The following BTBD18 variants were observed in gnomAD, a reference collection of about 807,000 sequenced individuals.
The protein encoded by BTBD18 is BTB domain containing 18.
For synonymous variants in BTBD18, 311 were observed against 324.4 expected (o/e 0.96, Z 0.44); for missense variants, 787 against 846.3 (o/e 0.93, Z 0.87).
intron 2 of BTBD18, among the ~76,000 whole-genome samples, chr11:57,748,226 A>C (rs1391924909): frequency 6.6e-6 from 1 of 152,176 alleles, no homozygotes; most frequent in Non-Finnish European, 1.5e-5. Flanking sequence ...CCAGCCTCTA[A>C]TTAAGTATCA....
rs774036854 is a variant in BTBD18 at position 57,746,193 on chromosome 11, G to A, written c.125-45C>T. 2.1e-5 allele frequency: 30 copies of A among 1,434,720 alleles called. 1 individual carries two copies. In the South Asian group the frequency reaches 3.1e-4, roughly 15 times the overall value. The allele number at this position is 1,434,720 out of a possible 1,614,324, so 88.9% of individuals were successfully genotyped here. ...CTTTTGTTATCAGGTAGACTGGCAT[G>A]TTCATGGGCTAAGCATAGACATTAC... is the stretch of plus-strand genomic sequence containing the variant. On this transcript the variant is annotated intron_variant, in intron 2 of 2. Coordinates refer to ENST00000422652, the MANE Select transcript of BTBD18 (RefSeq NM_001145101.3).
Position 57,745,722 on chromosome 11 carries a change from A to G in BTBD18, c.551T>C (p.Leu184Ser). The change falls in exon 3 of 3, where the codon TTG (leucine) becomes TCG (serine). Residue 184 changes from leucine to serine, a missense_variant. Coordinates refer to ENST00000422652, the MANE Select transcript of BTBD18 (RefSeq NM_001145101.3). ...CPLGAIRLKS[L>S]GKEEGPQENN... ...TTCCTGGGGCCCCTCTTCCTTCCCC[A>G]AGGACTTCAATCTTATTGCCCCAAG... is the stretch of plus-strand genomic sequence containing the variant. 6.4e-7 allele frequency: 1 copy of G among 1,551,588 alleles called. No homozygotes were observed. Among genetic ancestry groups the G allele is most frequent in the Non-Finnish European group, 8.7e-7 (1 of 1,146,962 alleles).
chr11:57,749,745 C>CAAAAAAA (rs576323420), intron 2 of BTBD18, among the ~76,000 whole-genome samples: 11 of 62,970 alleles, frequency 1.7e-4, no homozygotes, highest in Non-Finnish European at 2.5e-4. Flanking sequence ...GCAAGAATCT[C>CAAAAAAA]AAAAAAAAAA....
chr11:57,744,775 A>G lies in BTBD18; in HGVS notation c.1498T>C (p.Phe500Leu). 6.4e-7 allele frequency: 1 copy of G among 1,551,714 alleles called. No individual in the cohort carries two copies. Among genetic ancestry groups the G allele is most frequent in the Non-Finnish European group, 8.7e-7 (1 of 1,146,998 alleles). ...TCAATGTCTGAGCCACAGAGCATGA[A>G]GTCCAGGATCTCCTCCAGCTCACTG... ...ATSELEEILD[F>L]MLCGSDIEPP... The change falls in exon 3 of 3, where the codon TTC (phenylalanine) becomes CTC (leucine). Residue 500 changes from phenylalanine to leucine, a missense_variant. By Grantham distance (22) the Phe-to-Leu change is conservative (BLOSUM62 0). Coordinates refer to ENST00000422652, the MANE Select transcript of BTBD18 (RefSeq NM_001145101.3).
chr11:57,747,306 A>G (rs1949214513), intron 2 of BTBD18, among the ~76,000 whole-genome samples: 1 of 152,226 alleles, frequency 6.6e-6, no homozygotes, highest in Non-Finnish European at 1.5e-5. Flanking sequence ...CACAGCTGGC[A>G]TGTCTACATA....
In BTBD18 at chr11:57,745,958, G is replaced by A; in HGVS notation, c.315C>T (p.Ala105=). 1.3e-6 allele frequency: 2 copies of A among 1,551,596 alleles called. No individual in the cohort carries two copies. The highest frequency in any genetic ancestry group is 1.7e-6 in the Non-Finnish European group (2 of 1,146,996). The change falls in exon 3 of 3, where the codon GCC becomes GCT. Residue 105 remains alanine, a synonymous_variant. Transcript: ENST00000422652. The part of the protein sequence containing the change: ...TSEMEVSQEE[A]QDVLSAARQL... ...GACGGGCAGCAGATAGCACATCCTGGGCTTCTTCTTGAGATACTTCCATTT... is the reference window on the plus strand; with the variant it reads ...GACGGGCAGCAGATAGCACATCCTGAGCTTCTTCTTGAGATACTTCCATTT...
At chr11:57,746,379 GAGTGC>G (rs1949190960) in intron 2 of BTBD18, among the ~76,000 whole-genome samples, 1 of 149,268 alleles carries the variant, frequency 6.7e-6, no homozygotes, top group South Asian at 2.1e-4. Context: ...GCCCAGGCTG[GAGTGC>G]AGTGGTGCAA....
rs1427628131 is a variant in BTBD18 at position 57,744,980 on chromosome 11, G to A, written c.1293C>T (p.Val431=). 1.3e-6 allele frequency: 2 copies of A among 1,551,668 alleles called. No homozygotes were observed. Among genetic ancestry groups the A allele is most frequent in the South Asian group, 2.4e-5 (2 of 84,032 alleles). The change falls in exon 3 of 3, where the codon GTC becomes GTT. Residue 431 remains valine, a synonymous_variant. Coordinates refer to ENST00000422652, the MANE Select transcript of BTBD18 (RefSeq NM_001145101.3). ...PMCTKLQDIL[V]SASHSPDHPV... is the part of the protein sequence containing the mutation. Reference sequence around the variant, plus strand: ...GGTGGTCTGGGGAGTGGCTAGCAGAGACCAGAATGTCTTGTAGCTTAGTGC... The same window carrying A: ...GGTGGTCTGGGGAGTGGCTAGCAGAAACCAGAATGTCTTGTAGCTTAGTGC...
chr11:57,745,151 C>G lies in BTBD18; in HGVS notation c.1122G>C (p.Glu374Asp). The stretch of plus-strand genomic sequence containing the variant: ...TATCTTGAGTGTTTTTGAGAGGAGT[C>G]TCTTGTACCACTTCCCAGCAAGTCC... ...VNGTCWEVVQ[E>D]TPLKNTQDSP... The change falls in exon 3 of 3, where the codon GAG becomes GAC. Residue 374 changes from glutamate (E) to aspartate (D), a missense_variant. Glu to Asp is a conservative substitution (Grantham distance 45). Transcript: ENST00000422652. The G allele has an allele frequency of 6.4e-7, 1 of 1,551,660 alleles. No individual in the cohort carries two copies. Among genetic ancestry groups the G allele is most frequent in the South Asian group, 1.2e-5 (1 of 84,060 alleles).
chr11:57,749,540 G>C (rs1190002206), intron 2 of BTBD18, among the ~76,000 whole-genome samples: 1 of 152,032 alleles, frequency 6.6e-6, no homozygotes, highest in Non-Finnish European at 1.5e-5. Flanking sequence ...CCTGAGGTCA[G>C]GAGTTCAAGA....
In BTBD18 at chr11:57,751,402, G is replaced by C. The variant is rs549049051; in HGVS notation, c.-49+139C>G. 8 of 414,974 alleles carry C rather than the reference G, an allele frequency of 1.9e-5. No individual in the cohort carries two copies. The South Asian group carries it at 3.0e-4, about 15-fold the overall frequency. The allele number at this position is 414,974 out of a possible 1,614,324, so 25.7% of individuals were successfully genotyped here. A position where few individuals can be genotyped will look rare whatever the true frequency, so the allele number is the denominator to read the frequency against. On this transcript the variant is annotated intron_variant, in intron 1 of 2. Transcript: ENST00000422652. ...CTCAAGAAAGAAAATTATCATAGTG[G>C]TTACATGTGGGAGCTCAGAGATAAG... is the stretch of plus-strand genomic sequence containing the variant.
In BTBD18 at chr11:57,743,823, G is replaced by A. The variant is rs1311197296; in HGVS notation, c.*311C>T. 2 of 237,052 alleles carry A rather than the reference G, an allele frequency of 8.4e-6. No homozygotes were observed. The highest frequency in any genetic ancestry group is 1.6e-5 in the Non-Finnish European group (2 of 121,494). The allele number at this position is 237,052 out of a possible 1,614,324, so 14.7% of individuals were successfully genotyped here. A position where few individuals can be genotyped will look rare whatever the true frequency, so the allele number is the denominator to read the frequency against. On this transcript the variant is annotated 3_prime_UTR_variant, in exon 3 of 3. Coordinates refer to ENST00000422652, the MANE Select transcript of BTBD18 (RefSeq NM_001145101.3). ...AATTACCAGTGACTGGATGCCTTAT[G>A]ACCTGAGAGATCTGGCCTTGGCTGT...
In BTBD18 at chr11:57,744,583, C is replaced by T. The variant is rs956392943; in HGVS notation, c.1690G>A (p.Glu564Lys). 2.6e-6 allele frequency: 4 copies of T among 1,551,616 alleles called. No individual in the cohort carries two copies. Among genetic ancestry groups the T allele is most frequent in the Non-Finnish European group, 3.5e-6 (4 of 1,147,008 alleles). Residue 564 changes from glutamate to lysine, a missense_variant, in exon 3 of 3, where the codon GAG becomes AAG. By Grantham distance (56) the Glu-to-Lys change is moderately conservative (BLOSUM62 1). Coordinates refer to ENST00000422652, the MANE Select transcript of BTBD18 (RefSeq NM_001145101.3). ...LTELEKEPAG[E>K]NRGPTELLSP... ...AGGAGCTCAGTTGGCCCTCTGTTCTCACCAGCAGGTTCCTTTTCCAATTCT... is the reference window on the plus strand; with the variant it reads ...AGGAGCTCAGTTGGCCCTCTGTTCTTACCAGCAGGTTCCTTTTCCAATTCT...
Position 57,745,051 on chromosome 11 carries a change from C to G in BTBD18, c.1222G>C (p.Glu408Gln). 6.4e-7 allele frequency: 1 copy of G among 1,551,646 alleles called. No individual in the cohort carries two copies. The highest frequency in any genetic ancestry group is 8.7e-7 in the Non-Finnish European group (1 of 1,146,952). The stretch of plus-strand genomic sequence containing the variant: ...AGTTCTGTTCTAGTAGGTGACATTT[C>G]CTGCTCATTACTGGAGAATGGCTGA... ...GTQPFSSNEQEMSPTRTELCQ... is the reference protein window; with the variant it reads ...GTQPFSSNEQQMSPTRTELCQ... Residue 408 changes from glutamate to glutamine, a missense_variant, in exon 3 of 3, where the codon GAA (glutamate) becomes CAA (glutamine). Physicochemically the swap from Glu to Gln is conservative, Grantham distance 29 (BLOSUM62 2). Coordinates refer to ENST00000422652, the MANE Select transcript of BTBD18 (RefSeq NM_001145101.3).
chr11:57,745,438 G>T lies in BTBD18; in HGVS notation c.835C>A (p.Pro279Thr), dbSNP rs1297697291. ...KPSPGICTSK[P>T]SSILSGSSSV... ...CTAGATCCACTTAAAATGCTGGAAG[G>T]CTTTGATGTACAGATACCAGGAGAT... The change falls in exon 3 of 3, where the codon CCT becomes ACT. Residue 279 changes from proline (P) to threonine (T), a missense_variant. By Grantham distance (38) the Pro-to-Thr change is conservative. Coordinates refer to ENST00000422652, the MANE Select transcript of BTBD18 (RefSeq NM_001145101.3). 5.2e-6 allele frequency: 8 copies of T among 1,551,380 alleles called. No individual in the cohort carries two copies. Among genetic ancestry groups the T allele is most frequent in the African/African-American group, 1.4e-5 (1 of 73,050 alleles).
In BTBD18 at chr11:57,744,010, A is replaced by T; in HGVS notation, c.*124T>A. On this transcript the variant is annotated 3_prime_UTR_variant, in exon 3 of 3. Coordinates refer to ENST00000422652, the MANE Select transcript of BTBD18 (RefSeq NM_001145101.3). ...GCTTAGGGAAGGGAGGAAGGGACCT[A>T]CAAAGAGCCAGGGTACACCTGCCTC... 1.5e-6 allele frequency: 1 copy of T among 673,274 alleles called. No homozygotes were observed. The highest frequency in any genetic ancestry group is 2.5e-6 in the Non-Finnish European group (1 of 401,568). 41.7% of individuals were successfully genotyped at this position (673,274 alleles called of 1,614,324 possible). A position where few individuals can be genotyped will look rare whatever the true frequency, so the allele number is the denominator to read the frequency against.
At chr11:57,752,607 C>G (rs1307503945), upstream of BTBD18, among the ~76,000 whole-genome samples, 3 of 152,190 alleles carry the variant, frequency 2.0e-5, no homozygotes, top group African/African-American at 7.2e-5. Flanking sequence ...GGGGAAGCTT[C>G]TCAATCCACG....
chr11:57,753,024 G>C (rs1199230891), upstream of BTBD18, among the ~76,000 whole-genome samples: 1 of 152,268 alleles, frequency 6.6e-6, no homozygotes, highest in African/African-American at 2.4e-5. Flanking sequence ...GCAGCCCCTG[G>C]CGCCCTTGTA....
chr11:57,745,205 C>T lies in BTBD18; in HGVS notation c.1068G>A (p.Gly356=). 1 of 1,551,696 alleles carries T rather than the reference C, an allele frequency of 6.4e-7. No homozygotes were observed. Among genetic ancestry groups the T allele is most frequent in the Non-Finnish European group, 8.7e-7 (1 of 1,146,984 alleles). The change falls in exon 3 of 3, where the codon GGG becomes GGA. Residue 356 remains glycine (G), a synonymous_variant. Transcript: ENST00000422652. ...TGACAATCTTCCTAAGTTTAACTCTCCCAACCTGCCCCTCCTCTGCAGAGT... is the reference window on the plus strand; with the variant it reads ...TGACAATCTTCCTAAGTTTAACTCTTCCAACCTGCCCCTCCTCTGCAGAGT... The part of the protein sequence containing the change: ...NSDSAEEGQV[G]RVKLRKIVNG...
Sources: gnomAD v4.1 joint callset for allele counts (sites outside exome capture counted in the v4.1 genomes callset) on GRCh38, gnomAD v4.1.1 for gene constraint, MANE v1.5 for transcripts, NCBI Gene and HGNC (gene_info 2026-07-23, HGNC 2026-07-21) for gene names.